The following HECTD4 variants were observed in gnomAD, a reference collection of about 807,000 sequenced individuals.
HECTD4 encodes probable E3 ubiquitin-protein ligase HECTD4.
In HECTD4, 114 loss-of-function variants were observed where a neutral mutation model predicts 471.5. That is an observed-to-expected ratio of 0.24 (90% CI 0.21 to 0.28). The LOEUF is 0.28. Ranked by LOEUF, HECTD4 falls within the 10% of genes least tolerant of loss-of-function variation. The pLI is 1.00. For synonymous variants in HECTD4, 2,012 were observed against 2,256.0 expected (o/e 0.89, Z 3.07); for missense variants, 3,866 against 5,651.5 (o/e 0.68, Z 10.13).
At position 112,168,005 on chromosome 12, in the gene HECTD4, G is replaced by T. The variant is rs929968439; in HGVS notation, c.12209-88C>A. 16 of 1,089,356 alleles carry T rather than the reference G, an allele frequency of 1.5e-5. No homozygotes were observed. The Admixed American group carries it at 1.6e-4, about 11-fold the overall frequency. The allele number at this position is 1,089,356 out of a possible 1,614,324, so 67.5% of individuals were successfully genotyped here. The stretch of plus-strand genomic sequence containing the variant: ...TCCCTCTCACCTGCTGGCTGGAGCG[G>T]CTACTCCTTCCACGGCCTACCTGCC... On this transcript the variant is annotated intron_variant, in intron 70 of 75. Transcript: ENST00000682272.
chr12:112,228,717 CA>C lies in HECTD4; in HGVS notation c.6613del (p.Cys2205ValfsTer11), dbSNP rs1433245316. On this transcript the variant is annotated frameshift_variant, in exon 42 of 76. Transcript: ENST00000682272. LOFTEE classifies it high-confidence loss of function. The surrounding 1 kb of genome is among the most constrained non-coding windows in gnomAD (Gnocchi z 4.9). Reference protein sequence around the residue: ...IATVRFPPIDCRKTSQASDTL... With the variant: ...IATVRFPPIDXRKTSQASDTL... ...GTCTGACGCTTGCGAAGTCTTTCTA[CA>C]GTCTATGGGTGGGAATCTGACTGTA... 1 of 1,613,524 alleles carries C rather than the reference CA, an allele frequency of 6.2e-7. No individual in the cohort carries two copies. The highest frequency in any genetic ancestry group is 8.5e-7 in the Non-Finnish European group (1 of 1,179,788).
chr12:112,188,467 C>T lies in HECTD4; in HGVS notation c.9472+2319G>A, dbSNP rs2031960967. Among the ~76,000 whole-genome samples, 1 of 152,200 alleles carries T rather than the reference C, an allele frequency of 6.6e-6. No homozygotes were observed. Among genetic ancestry groups the T allele is most frequent in the Non-Finnish European group, 1.5e-5 (1 of 68,042 alleles). ...ATACCAGAGGCATATCTTACATTCA[C>T]ATAGTCATGTACCCTGGATCTGAGT... On this transcript the variant is annotated intron_variant, in intron 60 of 75. Coordinates refer to ENST00000682272, the MANE Select transcript of HECTD4 (RefSeq NM_001388303.1). The surrounding 1 kb of genome is among the most constrained non-coding windows in gnomAD (Gnocchi z 4.2).
intron 4 of HECTD4, among the ~76,000 whole-genome samples, chr12:112,312,317 G>A (rs1472790702): frequency 6.6e-6 from 1 of 152,098 alleles, no homozygotes; most frequent in African/African-American, 2.4e-5. Context: ...ACTGGTTTGG[G>A]AGCAAGCCTA....
intron 72 of HECTD4, 47 bp from the exon 73 acceptor site, chr12:112,164,322 T>G (rs1232760952): frequency 1.3e-6 from 2 of 1,567,966 alleles, no homozygotes; most frequent in African/African-American, 2.7e-5. Context: ...CCATGGGAGG[T>G]GGAACCCTGA....
chr12:112,308,931 A>C (rs2035322352), intron 5 of HECTD4, 40 bp from the exon 6 acceptor site: 26 of 1,523,984 alleles, frequency 1.7e-5, no homozygotes, highest in Non-Finnish European at 2.2e-5. Flanking sequence ...TCACCTGGCT[A>C]TGTCAGAAAC....
In HECTD4 at chr12:112,216,880, T is replaced by C. The variant is rs1442396216; in HGVS notation, c.7278A>G (p.Gly2426=). ...TGGGTCCGGTGTCATCATCGGTGTC[T>C]CCATAGGAAACGATTTCAATTTCCC... ...FYWEIEIVSY[G]DTDDDTGPIV... Residue 2426 remains glycine, a synonymous_variant, in exon 47 of 76, where the codon GGA becomes GGG. Transcript: ENST00000682272. The C allele has an allele frequency of 6.2e-7, 1 of 1,613,858 alleles. No individual in the cohort carries two copies. Among genetic ancestry groups the C allele is most frequent in the African/African-American group, 1.3e-5 (1 of 74,916 alleles).
chr12:112,235,530 G>T lies in HECTD4; in HGVS notation c.5699C>A (p.Ala1900Glu). ...TGGAACCACATAATCTGCCAGCTTT[G>T]CTAAGAGCAGGGAGGCGATCTTGGA... ...PASKIASLLLAKLADYVVPGC... is the reference protein window; with the variant it reads ...PASKIASLLLEKLADYVVPGC... The change falls in exon 36 of 76, where the codon GCA becomes GAA. Residue 1900 changes from alanine (A) to glutamate (E), a missense_variant. Physicochemically the swap from Ala to Glu is moderately radical, Grantham distance 107. This residue lies in a region of HECTD4 where 617 missense variants were observed against 915.1 expected (regional missense o/e 0.67). Coordinates refer to ENST00000682272, the MANE Select transcript of HECTD4 (RefSeq NM_001388303.1). The surrounding 1 kb of genome is among the most constrained non-coding windows in gnomAD (Gnocchi z 5.0). The T allele has an allele frequency of 6.2e-7, 1 of 1,612,590 alleles. No homozygotes were observed.
rs556680169 is a variant in HECTD4, at chr12:112,253,285, C to T, written c.3448-757G>A. Among the ~76,000 whole-genome samples, 26 of 152,012 alleles carry T rather than the reference C, an allele frequency of 1.7e-4. No homozygotes were observed. In the South Asian group the frequency reaches 4.8e-3, roughly 28 times the overall value. ...CATGACAGACACACACCACCACGCC[C>T]GGCTAATTTTTGTATTTTTAGTAGA... On this transcript the variant is annotated intron_variant, in intron 22 of 75. Transcript: ENST00000682272.
intron 4 of HECTD4, among the ~76,000 whole-genome samples, chr12:112,310,588 G>T (rs1290076565): frequency 6.6e-6 from 1 of 152,122 alleles, no homozygotes; most frequent in Non-Finnish European, 1.5e-5. Flanking sequence ...TTAGCTGGAG[G>T]AAATGCAATG....
At chr12:112,232,690 C>T (rs1243120510) in intron 38 of HECTD4, among the ~76,000 whole-genome samples, 1 of 152,016 alleles carries the variant, frequency 6.6e-6, no homozygotes, top group Non-Finnish European at 1.5e-5. Context: ...AACCTTTCAC[C>T]TATTTTCAAC....
chr12:112,183,700 G>A (rs1316440134), intron 61 of HECTD4, among the ~76,000 whole-genome samples: 1 of 152,214 alleles, frequency 6.6e-6, no homozygotes, highest in Non-Finnish European at 1.5e-5. Flanking sequence ...AGCACAGAAA[G>A]GCTCTGATGC....
At chr12:112,182,846 A>C (rs562314291) in intron 62 of HECTD4, among the ~76,000 whole-genome samples, 1 of 152,374 alleles carries the variant, frequency 6.6e-6, no homozygotes, top group East Asian at 1.9e-4. Context: ...CCCCACTGAC[A>C]AACAATGGAG....
At chr12:112,254,872 C>A (rs920554910) in intron 21 of HECTD4, among the ~76,000 whole-genome samples, 1 of 152,168 alleles carries the variant, frequency 6.6e-6, no homozygotes. Flanking sequence ...TCAAAGACTT[C>A]CATAGGAAAA....
intron 49 of HECTD4, 66 bp downstream of exon 49, chr12:112,212,421 T>C: frequency 7.4e-7 from 1 of 1,348,368 alleles, no homozygotes; most frequent in Non-Finnish European, 1.0e-6. Context: ...CCTTTCATTT[T>C]TCCATGTCTA....
intron 48 of HECTD4, among the ~76,000 whole-genome samples, chr12:112,214,136 A>AT (rs1198150286): frequency 1.3e-5 from 2 of 152,220 alleles, no homozygotes; most frequent in Non-Finnish European, 2.9e-5. Context: ...CATTTAAGGC[A>AT]TTTTGCAAAA....
intron 45 of HECTD4, 103 bp downstream of exon 45, chr12:112,219,283 G>A (rs1178191290): frequency 7.1e-6 from 5 of 701,544 alleles, no homozygotes; most frequent in South Asian, 4.9e-5. Context: ...ACCTCCAAAC[G>A]GCTTTGCAAA....
intron 29 of HECTD4, among the ~76,000 whole-genome samples, chr12:112,246,483 A>G (rs1039033891): frequency 1.3e-5 from 2 of 151,976 alleles, no homozygotes; most frequent in Non-Finnish European, 2.9e-5. Context: ...AAAATACAAA[A>G]ATTAGACAGG....
At chr12:112,345,595 A>C (rs1009125658) in intron 1 of HECTD4, among the ~76,000 whole-genome samples, 21 of 152,156 alleles carry the variant, frequency 1.4e-4, no homozygotes, top group African/African-American at 5.1e-4. Flanking sequence ...GCTTTTTCAA[A>C]TTTTGTCAGG....
intron 48 of HECTD4, among the ~76,000 whole-genome samples, chr12:112,214,001 G>A (rs559607043): frequency 1.3e-5 from 2 of 151,710 alleles, no homozygotes; most frequent in African/African-American, 2.4e-5. Context: ...TAGCCTGGGT[G>A]ACAGAGTGAG....
Sources: allele counts gnomAD v4.1 joint callset (sites outside exome capture counted in the v4.1 genomes callset), GRCh38; gene constraint gnomAD v4.1.1; regional missense constraint gnomAD v4.1.1; non-coding constraint Gnocchi (gnomAD v3.1); transcripts MANE v1.5; gene names NCBI Gene and HGNC (gene_info 2026-07-23, HGNC 2026-07-21).